The following GABRB1 variants were observed in gnomAD, a reference collection of about 807,000 sequenced individuals.
GABRB1 encodes the protein gamma-aminobutyric acid type A receptor subunit beta1.
In GABRB1, 17 loss-of-function variants were observed where a neutral mutation model predicts 51.6. The observed-to-expected ratio is 0.33, with a 90% CI of 0.23 to 0.49. The LOEUF (loss-of-function observed/expected upper bound fraction) is 0.49. Ranked by LOEUF, GABRB1 falls within the 20% of genes least tolerant of loss-of-function variation. The pLI is 0.99. For missense variants in GABRB1, 410 were observed against 600.6 expected, an observed-to-expected ratio of 0.68 and a Z score of 3.32; for synonymous variants, 247 against 218.9, an observed-to-expected ratio of 1.13 and a Z score of -1.14.
intron 8 of GABRB1, among the ~76,000 whole-genome samples, chr4:47,419,810 G>A (rs1033533507): frequency 6.6e-6 from 1 of 152,144 alleles, no homozygotes; most frequent in South Asian, 2.1e-4. Context: ...TTGCAGCCAG[G>A]AAATATGCCT....
At chr4:47,005,570 T>C (rs1009633507) in intron 1 of GABRB1, among the ~76,000 whole-genome samples, 2 of 151,390 alleles carry the variant, frequency 1.3e-5, no homozygotes, top group African/African-American at 4.9e-5. Context: ...GAGAAAGTAG[T>C]AAAGCAATGC....
At chr4:47,385,671 A>C (rs4336201) in intron 5 of GABRB1, among the ~76,000 whole-genome samples, 38,821 of 152,018 alleles carry the variant, frequency 0.26, 5,965 homozygotes, top group African/African-American at 0.43. Flanking sequence ...TCTAACACTC[A>C]AGAGTTAGAC....
At chr4:47,057,515 G>T (rs773483524) in intron 3 of GABRB1, among the ~76,000 whole-genome samples, 1 of 152,224 alleles carries the variant, frequency 6.6e-6, no homozygotes, top group East Asian at 1.9e-4. Flanking sequence ...GGCTAAAGAT[G>T]AGTTCCTTTA....
chr4:47,162,295 T>C (rs867722677), intron 4 of GABRB1, among the ~76,000 whole-genome samples: 23 of 152,102 alleles, frequency 1.5e-4, no homozygotes, highest in South Asian at 4.1e-4. Flanking sequence ...GTAACTTCCG[T>C]CAGACATGCC....
At chr4:47,308,739 G>T (rs1031919892) in intron 4 of GABRB1, among the ~76,000 whole-genome samples, 4 of 152,056 alleles carry the variant, frequency 2.6e-5, no homozygotes, top group African/African-American at 9.7e-5. Context: ...TCTGAGTCTT[G>T]TTTAGTTATC....
At chr4:47,418,444 C>T (rs1434126477) in intron 8 of GABRB1, among the ~76,000 whole-genome samples, 2 of 152,142 alleles carry the variant, frequency 1.3e-5, no homozygotes, top group African/African-American at 2.4e-5. Flanking sequence ...TCAATGCTTT[C>T]AATCAATAGC....
At chr4:47,059,676 G>A (rs1433800060) in intron 3 of GABRB1, among the ~76,000 whole-genome samples, 1 of 152,200 alleles carries the variant, frequency 6.6e-6, no homozygotes, top group Non-Finnish European at 1.5e-5. Context: ...AGTATGCGAA[G>A]CAGGTGTTCT....
chr4:47,412,486 T>A (rs998408357), intron 8 of GABRB1, among the ~76,000 whole-genome samples: 6 of 152,188 alleles, frequency 3.9e-5, no homozygotes, highest in East Asian at 3.9e-4. Context: ...CAAAAAAAAA[T>A]TTAAACATGC....
chr4:47,395,961 G>T (rs1164467043), intron 5 of GABRB1, among the ~76,000 whole-genome samples: 1 of 151,754 alleles, frequency 6.6e-6, no homozygotes, highest in Non-Finnish European at 1.5e-5. Flanking sequence ...TTATATATAA[G>T]AAATTCCTTG....
At chr4:47,143,802 C>T (rs1419461288) in intron 3 of GABRB1, among the ~76,000 whole-genome samples, 1 of 151,854 alleles carries the variant, frequency 6.6e-6, no homozygotes, top group Non-Finnish European at 1.5e-5. Context: ...TAATACATGT[C>T]AGGCCTCCTT....
At chr4:47,180,935 A>C (rs1016466918) in intron 4 of GABRB1, among the ~76,000 whole-genome samples, 1 of 151,998 alleles carries the variant, frequency 6.6e-6, no homozygotes, top group South Asian at 2.1e-4. Flanking sequence ...ATTGTATTTT[A>C]GAATGTTCTC....
At chr4:47,349,690 T>C (rs1018076920) in intron 5 of GABRB1, among the ~76,000 whole-genome samples, 5 of 152,178 alleles carry the variant, frequency 3.3e-5, no homozygotes, top group Non-Finnish European at 5.9e-5. Context: ...ATAGTATGTA[T>C]AAGGTTAGGT....
At chr4:47,264,935 C>T (rs1309636498) in intron 4 of GABRB1, among the ~76,000 whole-genome samples, 1 of 152,128 alleles carries the variant, frequency 6.6e-6, no homozygotes, top group Non-Finnish European at 1.5e-5. Context: ...GATTGTTTCT[C>T]CTTAGACACA....
intron 3 of GABRB1, among the ~76,000 whole-genome samples, chr4:47,051,477 G>A (rs1047784209): frequency 6.6e-6 from 1 of 152,102 alleles, no homozygotes; most frequent in Non-Finnish European, 1.5e-5. Context: ...TTAAAAACAG[G>A]GATGTTTTCA....
At chr4:47,169,716 G>T (rs1310125716) in intron 4 of GABRB1, among the ~76,000 whole-genome samples, 1 of 152,044 alleles carries the variant, frequency 6.6e-6, no homozygotes, top group African/African-American at 2.4e-5. Context: ...TAGCCAGGCT[G>T]GTCTCGAACT....
intron 1 of GABRB1, among the ~76,000 whole-genome samples, chr4:47,000,509 T>G (rs910853539): frequency 6.6e-6 from 1 of 152,228 alleles, no homozygotes; most frequent in Non-Finnish European, 1.5e-5. Flanking sequence ...ATGATACTCT[T>G]TCACAGTGCA....
At chr4:47,032,617 C>T (rs745322988) in intron 3 of GABRB1, 133 bp downstream of exon 3, 2 of 810,232 alleles carry the variant, frequency 2.5e-6, no homozygotes, top group Non-Finnish European at 4.3e-6. Context: ...ACCCGCTCCC[C>T]GCTCCGGCAC....
chr4:47,138,115 A>G (rs1186399291), intron 3 of GABRB1, among the ~76,000 whole-genome samples: 2 of 152,064 alleles, frequency 1.3e-5, no homozygotes, highest in African/African-American at 4.8e-5. Context: ...TCTCCATGAA[A>G]CAAAAAATTG....
At chr4:47,060,820 G>A (rs371370367) in intron 3 of GABRB1, among the ~76,000 whole-genome samples, 1 of 152,026 alleles carries the variant, frequency 6.6e-6, no homozygotes, top group Non-Finnish European at 1.5e-5. Context: ...ATGAATGTAC[G>A]GTGTTGACCT....
Sources: gnomAD v4.1 joint callset for allele counts (sites outside exome capture counted in the v4.1 genomes callset) on GRCh38, gnomAD v4.1.1 for gene constraint, MANE v1.5 for transcripts, NCBI Gene and HGNC (gene_info 2026-07-23, HGNC 2026-07-21) for gene names.